RGSL1: variants seen among roughly 807,000 people sequenced by gnomAD.
The protein encoded by RGSL1 is regulator of G protein signaling like 1, also known as regulator of G protein signaling protein-like.
In RGSL1, 97 loss-of-function variants were observed where a neutral mutation model predicts 124.7. That is an observed-to-expected ratio of 0.78 (90% confidence interval 0.66 to 0.92). The LOEUF (loss-of-function observed/expected upper bound fraction) is 0.92. Among genes scored for constraint, RGSL1 ranks in the 40% least tolerant of loss-of-function variants. RGSL1 has a pLI of 0.00. For synonymous variants in RGSL1, 424 were observed against 438.1 expected (o/e 0.97, Z 0.40); for missense variants, 1,233 against 1,288.4 (o/e 0.96, Z 0.66).
chr1:182,483,351 G>A (rs1654853419), intron 6 of RGSL1, among the ~76,000 whole-genome samples: 1 of 152,044 alleles, frequency 6.6e-6, no homozygotes, highest in Non-Finnish European at 1.5e-5. Context: ...AGTTTAATGG[G>A]TGTATACTTA....
intron 2 of RGSL1, among the ~76,000 whole-genome samples, chr1:182,456,252 C>T (rs1652311079): frequency 6.6e-6 from 1 of 151,434 alleles, no homozygotes; most frequent in Non-Finnish European, 1.5e-5. Flanking sequence ...GTTTCTCACT[C>T]TTACTATTGT....
chr1:182,512,019 T>C (rs1053786693), intron 9 of RGSL1, among the ~76,000 whole-genome samples: 9 of 152,178 alleles, frequency 5.9e-5, no homozygotes, highest in African/African-American at 2.2e-4. Context: ...GGATTCCTTT[T>C]TATTTTCCAG....
chr1:182,450,978 C>T (rs1392729834), intron 1 of RGSL1, among the ~76,000 whole-genome samples: 1 of 152,020 alleles, frequency 6.6e-6, no homozygotes, highest in African/African-American at 2.4e-5. Context: ...AAAACCCCAT[C>T]TCTACTGAAA....
At chr1:182,492,805 A>G in intron 8 of RGSL1, 1 of 456,722 alleles carries the variant, frequency 2.2e-6, no homozygotes, top group Non-Finnish European at 4.0e-6. Context: ...ATTTTTTTGT[A>G]TTTTTAGTAG....
At chr1:182,513,075 G>T (rs1657579816) in intron 9 of RGSL1, among the ~76,000 whole-genome samples, 1 of 152,208 alleles carries the variant, frequency 6.6e-6, no homozygotes, top group Non-Finnish European at 1.5e-5. Flanking sequence ...ATTTAGGGTT[G>T]TAGGTTTCCA....
chr1:182,548,940 C>A, intron 17 of RGSL1, 116 bp downstream of exon 17: 1 of 1,297,448 alleles, frequency 7.7e-7, no homozygotes, highest in Non-Finnish European at 1.0e-6. Flanking sequence ...CTAGGGGGAA[C>A]TAAGATGGTG....
chr1:182,495,464 T>C (rs1655842751), intron 9 of RGSL1, among the ~76,000 whole-genome samples: 1 of 152,248 alleles, frequency 6.6e-6, no homozygotes, highest in Admixed American at 6.5e-5. Context: ...CAGACCATTT[T>C]GTCCCCAGTA....
chr1:182,555,927 C>A, intron 20 of RGSL1, 97 bp from the exon 21 acceptor site: 3 of 1,126,638 alleles, frequency 2.7e-6, no homozygotes, highest in Non-Finnish European at 3.9e-6. Flanking sequence ...TTGGCTATTG[C>A]CATTCCTAAA....
At chr1:182,501,980 CTTTG>C (rs1656421117) in intron 9 of RGSL1, among the ~76,000 whole-genome samples, 1 of 152,110 alleles carries the variant, frequency 6.6e-6, no homozygotes, top group South Asian at 2.1e-4. Context: ...ATTTTTTGAA[CTTTG>C]TTTATCTAGA....
At chr1:182,522,498 T>G (rs984925133) in intron 10 of RGSL1, among the ~76,000 whole-genome samples, 3 of 152,190 alleles carry the variant, frequency 2.0e-5, no homozygotes, top group Admixed American at 6.5e-5. Flanking sequence ...TTTTCTGGAT[T>G]ATGTACTGCT....
At chr1:182,465,914 A>G (rs942929483) in intron 4 of RGSL1, among the ~76,000 whole-genome samples, 1 of 152,196 alleles carries the variant, frequency 6.6e-6, no homozygotes, top group African/African-American at 2.4e-5. Flanking sequence ...AAAGTCTGCA[A>G]TGAAATACTA....
chr1:182,515,555 G>GT (rs1558356061), intron 9 of RGSL1, among the ~76,000 whole-genome samples: 1 of 143,458 alleles, frequency 7.0e-6, no homozygotes, highest in African/African-American at 2.5e-5. Context: ...AAAAAAAAAG[G>GT]GGGGGGCGGG....
intron 4 of RGSL1, among the ~76,000 whole-genome samples, chr1:182,468,519 A>C (rs931829457): frequency 1.3e-5 from 2 of 152,172 alleles, no homozygotes; most frequent in African/African-American, 4.8e-5. Context: ...TCGCAAGGAC[A>C]AAAAACCAAA....
intron 9 of RGSL1, chr1:182,507,342 A>G (rs1656893346): frequency 1.3e-5 from 2 of 152,168 alleles, no homozygotes; most frequent in African/African-American, 4.8e-5. Context: ...CAATCAAACC[A>G]TATATTTATA....
chr1:182,463,765 C>A (rs1356178078), intron 4 of RGSL1, among the ~76,000 whole-genome samples: 1 of 152,060 alleles, frequency 6.6e-6, no homozygotes, highest in African/African-American at 2.4e-5. Flanking sequence ...CTAAAATAAT[C>A]ATTGGAGACT....
At chr1:182,559,250 A>C (rs1052192813) in intron 21 of RGSL1, among the ~76,000 whole-genome samples, 3 of 152,104 alleles carry the variant, frequency 2.0e-5, no homozygotes, top group Non-Finnish European at 2.9e-5. Flanking sequence ...ATCCATTCTA[A>C]CAGGATCCAC....
At chr1:182,542,457 G>A (rs753846211) in intron 15 of RGSL1, among the ~76,000 whole-genome samples, 2 of 152,084 alleles carry the variant, frequency 1.3e-5, no homozygotes, top group South Asian at 2.1e-4. Context: ...TGCTGATTTC[G>A]TTACTATAGC....
rs1571673515 is a variant in RGSL1, at chr1:182,532,776, CA to C, written c.2483del (p.Asn828IlefsTer33). On this transcript the variant is annotated frameshift_variant, in exon 14 of 22. Transcript: ENST00000294854. LOFTEE classifies it high-confidence loss of function. ...TGAAGACTATCTTCACCAGGAAATGCAAAATAGCAAGGAAAGTAAGTCATTT... is the reference window on the plus strand; with the variant it reads ...TGAAGACTATCTTCACCAGGAAATGCAAATAGCAAGGAAAGTAAGTCATTT... ...EFEDYLHQEMQNSKENFTTAH... is the reference protein window; with the variant it reads ...EFEDYLHQEMXNSKENFTTAH... 1.3e-6 allele frequency: 2 copies of C among 1,550,144 alleles called. No homozygotes were observed. The highest frequency in any genetic ancestry group is 4.9e-5 in the East Asian group (2 of 40,884).
At chr1:182,553,717 T>A (rs1660701782) in intron 19 of RGSL1, among the ~76,000 whole-genome samples, 176 bp downstream of exon 19, 1 of 152,180 alleles carries the variant, frequency 6.6e-6, no homozygotes, top group Admixed American at 6.5e-5. Flanking sequence ...AAATTTAGTC[T>A]CCTGACCTCC....
Sources: allele counts gnomAD v4.1 joint callset (sites outside exome capture counted in the v4.1 genomes callset), GRCh38; gene constraint gnomAD v4.1.1; transcripts MANE v1.5; gene names NCBI Gene and HGNC (gene_info 2026-07-23, HGNC 2026-07-21).